AGBL4: variants seen among roughly 807,000 people sequenced by gnomAD.
The protein encoded by AGBL4 is cytosolic carboxypeptidase 6.
A neutral mutation model predicts 66.4 loss-of-function variants in AGBL4; 58 were observed. That is an observed-to-expected ratio of 0.87 (90% CI 0.71 to 1.09). The LOEUF (loss-of-function observed/expected upper bound fraction) is 1.09, where lower values mean the gene tolerates loss of function less well. Ranked by LOEUF, AGBL4 falls within the 50% of genes least tolerant of loss-of-function variation. AGBL4 has a pLI of 0.00. For missense variants in AGBL4, 579 were observed against 631.0 expected, an observed-to-expected ratio of 0.92 and a Z score of 0.88; for synonymous variants, 234 against 222.9, an observed-to-expected ratio of 1.05 and a Z score of -0.44.
intron 4 of AGBL4, among the ~76,000 whole-genome samples, chr1:49,046,559 T>G (rs1218807258): frequency 6.6e-6 from 1 of 152,216 alleles, no homozygotes; most frequent in Non-Finnish European, 1.5e-5. Flanking sequence ...GTTTCCATAA[T>G]GTCTTTGCAT....
At chr1:49,855,199 A>T (rs1051422019) in intron 1 of AGBL4, among the ~76,000 whole-genome samples, 1 of 152,182 alleles carries the variant, frequency 6.6e-6, no homozygotes, top group East Asian at 1.9e-4. Context: ...AAAGAGATCA[A>T]TTCAGTAAGA....
chr1:49,427,887 T>C (rs142562229), intron 3 of AGBL4, among the ~76,000 whole-genome samples: 112 of 152,250 alleles, frequency 7.4e-4, no homozygotes, highest in African/African-American at 2.6e-3. Flanking sequence ...AGAGTGCTGA[T>C]TGGTGCATTT....
intron 6 of AGBL4, among the ~76,000 whole-genome samples, chr1:48,686,187 T>C (rs1408337452): frequency 6.6e-6 from 1 of 152,168 alleles, no homozygotes; most frequent in Non-Finnish European, 1.5e-5. Flanking sequence ...TTAGCTTAGT[T>C]ATTACCGCCT....
At chr1:49,413,461 T>C (rs1035761237) in intron 3 of AGBL4, among the ~76,000 whole-genome samples, 1 of 152,210 alleles carries the variant, frequency 6.6e-6, no homozygotes, top group Non-Finnish European at 1.5e-5. Flanking sequence ...TAAATATGAA[T>C]GAGGAAGTTC....
intron 6 of AGBL4, among the ~76,000 whole-genome samples, chr1:48,681,479 G>A (rs1646453829): frequency 6.6e-6 from 1 of 152,176 alleles, no homozygotes; most frequent in African/African-American, 2.4e-5. Context: ...GGGGTGAGGG[G>A]GTTGGGAGCT....
At chr1:49,616,475 C>A (rs1205500983) in intron 3 of AGBL4, among the ~76,000 whole-genome samples, 4 of 152,130 alleles carry the variant, frequency 2.6e-5, no homozygotes, top group African/African-American at 9.7e-5. Flanking sequence ...AGGGCTCAGT[C>A]CTTGCACATT....
At chr1:49,346,331 A>G (rs954179627) in intron 3 of AGBL4, among the ~76,000 whole-genome samples, 1 of 152,180 alleles carries the variant, frequency 6.6e-6, no homozygotes, top group Non-Finnish European at 1.5e-5. Context: ...TGCTGCTCAG[A>G]GGAAACAAGA....
At chr1:49,338,763 G>A (rs1645484274) in intron 3 of AGBL4, among the ~76,000 whole-genome samples, 1 of 152,210 alleles carries the variant, frequency 6.6e-6, no homozygotes, top group African/African-American at 2.4e-5. Context: ...AGGTAAGTGT[G>A]TTCAGGAGGG....
chr1:49,298,009 C>T lies in AGBL4; in HGVS notation c.283-52145G>A, dbSNP rs143570296. 3.0e-3 allele frequency among the ~76,000 whole-genome samples: 459 copies of T among 152,270 alleles called. 3 individuals carry two copies. The highest frequency in any genetic ancestry group is 0.01 in the African/African-American group (427 of 41,570). On this transcript the variant is annotated intron_variant, in intron 3 of 13. Transcript: ENST00000371839. ...CAGGAGGCTGCTGTGTAGGCAGGAACGTCTGCCTTTGAATTTGCTAGCCTA... is the reference window on the plus strand; with the variant it reads ...CAGGAGGCTGCTGTGTAGGCAGGAATGTCTGCCTTTGAATTTGCTAGCCTA...
chr1:49,702,368 G>A (rs1019009731), intron 2 of AGBL4, among the ~76,000 whole-genome samples: 1 of 152,166 alleles, frequency 6.6e-6, no homozygotes, highest in African/African-American at 2.4e-5. Flanking sequence ...GTGCATGCCT[G>A]TAGTCCCAGC....
intron 1 of AGBL4, among the ~76,000 whole-genome samples, chr1:50,006,000 C>A (rs919832069): frequency 6.6e-6 from 1 of 152,214 alleles, no homozygotes; most frequent in South Asian, 2.1e-4. Context: ...TCTACAAGAT[C>A]TAGAATATAG....
chr1:49,587,558 A>ATGCAAGCCAT (rs1644674626), intron 3 of AGBL4, among the ~76,000 whole-genome samples: 1 of 152,152 alleles, frequency 6.6e-6, no homozygotes, highest in South Asian at 2.1e-4. Context: ...GAACTAAATT[A>ATGCAAGCCAT]AATACCCGCT....
intron 6 of AGBL4, among the ~76,000 whole-genome samples, chr1:48,781,012 T>A (rs1645278610): frequency 6.6e-6 from 1 of 152,204 alleles, no homozygotes; most frequent in South Asian, 2.1e-4. Flanking sequence ...GCCTTTCCCA[T>A]TCCCAGTGAT....
At chr1:48,984,653 C>T (rs1432283457) in intron 5 of AGBL4, among the ~76,000 whole-genome samples, 2 of 151,222 alleles carry the variant, frequency 1.3e-5, no homozygotes, top group Admixed American at 1.3e-4. Context: ...CAAACAGATA[C>T]CTACTATCTT....
chr1:49,000,095 T>C (rs969933646), intron 5 of AGBL4, among the ~76,000 whole-genome samples: 15 of 152,182 alleles, frequency 9.9e-5, no homozygotes, highest in Admixed American at 4.6e-4. Flanking sequence ...GCTTTCTAAA[T>C]ATTAGCTAGT....
chr1:49,762,712 G>A (rs766379818), intron 2 of AGBL4, among the ~76,000 whole-genome samples: 4 of 152,048 alleles, frequency 2.6e-5, no homozygotes, highest in Non-Finnish European at 4.4e-5. Flanking sequence ...GCACCCGGCC[G>A]TGTTGCTCAA....
chr1:49,502,039 C>A (rs1648212045), intron 3 of AGBL4, among the ~76,000 whole-genome samples: 1 of 152,006 alleles, frequency 6.6e-6, no homozygotes, highest in South Asian at 2.1e-4. Context: ...TATTATATAT[C>A]CTGAAGAATA....
chr1:49,938,173 A>G (rs192143426), intron 1 of AGBL4, among the ~76,000 whole-genome samples: 13,126 of 150,192 alleles, frequency 0.087, 751 homozygotes, highest in African/African-American at 0.15. Context: ...TATCACCACC[A>G]ATCCCACAGA....
intron 1 of AGBL4, among the ~76,000 whole-genome samples, chr1:49,927,153 CA>C (rs1652859246): frequency 6.6e-6 from 1 of 152,130 alleles, no homozygotes; most frequent in South Asian, 2.1e-4. Context: ...CTGCCTTTCC[CA>C]GCCCACCAAC....
Sources: allele counts gnomAD v4.1 joint callset (sites outside exome capture counted in the v4.1 genomes callset), GRCh38; gene constraint gnomAD v4.1.1; transcripts MANE v1.5; gene names NCBI Gene and HGNC (gene_info 2026-07-23, HGNC 2026-07-21).